The following XDH variants were observed in gnomAD, a reference collection of about 807,000 sequenced individuals.
The protein encoded by XDH is xanthine dehydrogenase, also known as xanthine dehydrogenase/oxidase.
XDH carries 138 observed loss-of-function variants against 156.1 expected under a neutral mutation model. The observed-to-expected ratio is 0.88, with a 90% CI of 0.77 to 1.02. The LOEUF (loss-of-function observed/expected upper bound fraction) is 1.02, where lower values mean the gene tolerates loss of function less well. Among genes scored for constraint, XDH ranks in the 50% least tolerant of loss-of-function variants. XDH has a pLI of 0.00. For missense variants in XDH, 1,849 were observed against 1,684.9 expected (o/e 1.10, Z -1.71); for synonymous variants, 669 against 625.7 (o/e 1.07, Z -1.03).
chr2:31,383,517 G>A (rs45597733), intron 10 of XDH, among the ~76,000 whole-genome samples: 2,125 of 151,358 alleles, frequency 0.014, 49 homozygotes, highest in African/African-American at 0.048. Context: ...CTAATGTGTA[G>A]CCAGAATTGA....
Position 31,372,258 on chromosome 2 carries a change from A to G in XDH, c.1826T>C (p.Val609Ala). 1.2e-6 allele frequency: 2 copies of G among 1,614,166 alleles called. No homozygotes were observed. Among genetic ancestry groups the G allele is most frequent in the Non-Finnish European group, 8.5e-7 (1 of 1,180,016 alleles). ...RYENELSLRLVTSTRAHAKIK... is the reference protein window; with the variant it reads ...RYENELSLRLATSTRAHAKIK... The stretch of plus-strand genomic sequence containing the variant: ...CTTGGCGTGGGCCCGGGTGCTGGTG[A>G]CCAGCCGGAGAGACAGCTCATTCTC... The change falls in exon 17 of 36, where the codon GTC becomes GCC. Residue 609 changes from valine (V) to alanine (A), a missense_variant. Coordinates refer to ENST00000379416, the MANE Select transcript of XDH (RefSeq NM_000379.4).
chr2:31,337,785 A>T lies in XDH; in HGVS notation c.3807T>A (p.Ala1269=). 1 of 1,614,184 alleles carries T rather than the reference A, an allele frequency of 6.2e-7. No individual in the cohort carries two copies. The highest frequency in any genetic ancestry group is 8.5e-7 in the Non-Finnish European group (1 of 1,180,032). Residue 1269 remains alanine, a synonymous_variant, in exon 35 of 36, where the codon GCT becomes GCA. Transcript: ENST00000379416. The stretch of plus-strand genomic sequence containing the variant: ...CATCTTTGATGGCAAAGAAGATAGA[A>T]GCAGCCAGGAAGAGGGGCGGCTCTC... The part of the protein sequence containing the change: ...AVGEPPLFLA[A]SIFFAIKDAI...
intron 24 of XDH, among the ~76,000 whole-genome samples, chr2:31,352,953 T>A (rs1055792455): frequency 6.7e-6 from 1 of 148,486 alleles, no homozygotes; most frequent in East Asian, 2.0e-4. Context: ...ACTCCTGACC[T>A]CAAGTGATCT....
intron 35 of XDH, 48 bp downstream of exon 35, chr2:31,337,593 T>G: frequency 6.2e-7 from 1 of 1,612,446 alleles, no homozygotes. Context: ...TTTGCCAGCC[T>G]ATCCCTGGCC....
chr2:31,340,927 T>C (rs906261577), intron 33 of XDH, among the ~76,000 whole-genome samples: 5 of 152,180 alleles, frequency 3.3e-5, no homozygotes, highest in African/African-American at 1.2e-4. Context: ...ACAAAAGCTG[T>C]CCTAGGTGGA....
chr2:31,376,769 T>C (rs923777526), intron 14 of XDH, among the ~76,000 whole-genome samples: 2 of 131,606 alleles, frequency 1.5e-5, no homozygotes, highest in Non-Finnish European at 3.1e-5. Flanking sequence ...ATATTAATTA[T>C]AGTTGCAATA....
At chr2:31,380,720 T>G (rs1686414653) in intron 12 of XDH, among the ~76,000 whole-genome samples, 1 of 152,236 alleles carries the variant, frequency 6.6e-6, no homozygotes. Context: ...TTTTGCATCC[T>G]CCTGCTATAA....
At chr2:31,350,426 G>C (rs1439782777) in intron 24 of XDH, among the ~76,000 whole-genome samples, 2 of 140,942 alleles carry the variant, frequency 1.4e-5, no homozygotes, top group African/African-American at 5.4e-5. Flanking sequence ...CACCAGGCTG[G>C]AGTGCAGTGG....
rs1224037447 is a variant in XDH, at chr2:31,335,043, A to C, written c.*915T>G. On this transcript the variant is annotated 3_prime_UTR_variant, in exon 36 of 36. Transcript: ENST00000379416. Reference sequence around the variant, plus strand: ...CACTATCAAGACCAACTAATTAAAAAAATTTTTTTTAAAGACAGGAGCTCT... The same window carrying C: ...CACTATCAAGACCAACTAATTAAAACAATTTTTTTTAAAGACAGGAGCTCT... The C allele has an allele frequency of 6.6e-6, 1 of 152,064 alleles. No individual in the cohort carries two copies. The highest frequency in any genetic ancestry group is 1.5e-5 in the Non-Finnish European group (1 of 68,030). The allele number at this position is 152,064 out of a possible 1,614,324, so 9.4% of individuals were successfully genotyped here.
At chr2:31,360,615 T>C (rs1257429419) in intron 24 of XDH, among the ~76,000 whole-genome samples, 2 of 152,248 alleles carry the variant, frequency 1.3e-5, no homozygotes, top group Admixed American at 1.3e-4. Context: ...TTATCCACAC[T>C]GTGTACTACC....
intron 6 of XDH, among the ~76,000 whole-genome samples, chr2:31,393,799 T>C (rs1366578263): frequency 2.2e-5 from 2 of 92,882 alleles, no homozygotes; most frequent in African/African-American, 1.1e-4. Context: ...CTTCCTTTTT[T>C]CTTTTTTTTT....
At chr2:31,371,062 G>C (rs939792262) in intron 17 of XDH, among the ~76,000 whole-genome samples, 20 of 152,184 alleles carry the variant, frequency 1.3e-4, no homozygotes, top group Non-Finnish European at 2.6e-4. Context: ...AGCTGGATTT[G>C]TCTCCCCACA....
chr2:31,400,385 C>T (rs1251722121), intron 4 of XDH, among the ~76,000 whole-genome samples: 1 of 151,878 alleles, frequency 6.6e-6, no homozygotes, highest in Non-Finnish European at 1.5e-5. Context: ...ACTACAGGCG[C>T]CCGCCACTCC....
intron 6 of XDH, among the ~76,000 whole-genome samples, chr2:31,393,907 T>C (rs1686837402): frequency 1.3e-5 from 2 of 151,804 alleles, no homozygotes; most frequent in South Asian, 2.1e-4. Context: ...AGTGATTGTA[T>C]CTTATAATAA....
chr2:31,349,035 A>G, intron 26 of XDH, 55 bp from the exon 27 acceptor site: 2 of 1,527,102 alleles, frequency 1.3e-6, no homozygotes, highest in Non-Finnish European at 1.8e-6. Flanking sequence ...GAGGACATGA[A>G]TATCTTTGGA....
At chr2:31,376,180 G>A (rs984227947) in intron 14 of XDH, among the ~76,000 whole-genome samples, 4 of 151,704 alleles carry the variant, frequency 2.6e-5, no homozygotes, top group African/African-American at 9.7e-5. Flanking sequence ...AGTAGCATCA[G>A]CATCAATACT....
intron 17 of XDH, among the ~76,000 whole-genome samples, 162 bp from the exon 18 acceptor site, chr2:31,370,640 T>C (rs1686047050): frequency 6.6e-6 from 1 of 152,224 alleles, no homozygotes; most frequent in Non-Finnish European, 1.5e-5. Flanking sequence ...TATATCCTAT[T>C]CTGCAAATGT....
Position 31,372,217 on chromosome 2 carries a change from G to T in XDH, c.1856+11C>A. 6.2e-7 allele frequency: 1 copy of T among 1,614,186 alleles called. No homozygotes were observed. Among genetic ancestry groups the T allele is most frequent in the Non-Finnish European group, 8.5e-7 (1 of 1,180,014 alleles). ...AGCATTCCACCAGCTCCTCCTGGCG[G>T]TGTCACTCACTTGATCTTGGCGTGG... is the stretch of plus-strand genomic sequence containing the variant. On this transcript the variant is annotated intron_variant, in intron 17 of 35. Transcript: ENST00000379416.
intron 3 of XDH, 65 bp downstream of exon 3, chr2:31,402,983 T>C (rs1031177890): frequency 6.4e-7 from 1 of 1,561,760 alleles, no homozygotes; most frequent in Admixed American, 1.7e-5. Context: ...ACTCATGCAC[T>C]CCCTCACAAG....
Sources: allele counts gnomAD v4.1 joint callset (sites outside exome capture counted in the v4.1 genomes callset), GRCh38; gene constraint gnomAD v4.1.1; transcripts MANE v1.5; gene names NCBI Gene and HGNC (gene_info 2026-07-23, HGNC 2026-07-21).